ZNF804B: variants seen among roughly 807,000 people sequenced by gnomAD.
ZNF804B encodes the protein zinc finger protein 804B.
Under a neutral mutation model 101.4 loss-of-function variants are expected in ZNF804B, and 80 were observed. The observed-to-expected ratio is 0.79, with a 90% CI of 0.66 to 0.95. ZNF804B has a LOEUF of 0.95. ZNF804B is among the 40% of genes least tolerant of loss of function. ZNF804B has a pLI of 0.00. For missense variants in ZNF804B, 1,673 were observed against 1,561.9 expected (o/e 1.07, Z -1.20); for synonymous variants, 622 against 558.8 (o/e 1.11, Z -1.59).
chr7:88,773,142 C>A (rs1478080120), intron 1 of ZNF804B, among the ~76,000 whole-genome samples: 1 of 152,172 alleles, frequency 6.6e-6, no homozygotes, highest in Middle Eastern at 3.2e-3. Flanking sequence ...TAGTTTCATT[C>A]TGTTTGCAGT....
intron 2 of ZNF804B, among the ~76,000 whole-genome samples, chr7:89,256,295 TG>T (rs1789631295): frequency 1.3e-5 from 2 of 152,190 alleles, no homozygotes; most frequent in Non-Finnish European, 2.9e-5. Flanking sequence ...GGCTCAAGCC[TG>T]TAATCCCAGC....
chr7:89,279,213 C>G (rs1371130770), intron 2 of ZNF804B, among the ~76,000 whole-genome samples: 1 of 152,060 alleles, frequency 6.6e-6, no homozygotes, highest in Non-Finnish European at 1.5e-5. Context: ...TATCCTGAGA[C>G]TTTGCTGAAG....
chr7:89,125,609 A>G (rs1468809160), intron 1 of ZNF804B, among the ~76,000 whole-genome samples: 3 of 152,084 alleles, frequency 2.0e-5, no homozygotes, highest in Non-Finnish European at 4.4e-5. Flanking sequence ...AATAAAATTT[A>G]AAAATTGAGT....
At chr7:89,134,082 A>G (rs1432641563) in intron 1 of ZNF804B, among the ~76,000 whole-genome samples, 1 of 152,088 alleles carries the variant, frequency 6.6e-6, no homozygotes, top group African/African-American at 2.4e-5. Flanking sequence ...CCAATTTAAG[A>G]AAAACAAAAA....
At chr7:88,934,738 C>T (rs578123161) in intron 1 of ZNF804B, among the ~76,000 whole-genome samples, 26 of 151,876 alleles carry the variant, frequency 1.7e-4, no homozygotes, top group African/African-American at 5.1e-4. Flanking sequence ...AGTAAAAAAC[C>T]GATAGATGTT....
At chr7:88,775,145 T>C (rs1375353995) in intron 1 of ZNF804B, among the ~76,000 whole-genome samples, 1 of 152,210 alleles carries the variant, frequency 6.6e-6, no homozygotes, top group Non-Finnish European at 1.5e-5. Context: ...TTTAAAATTC[T>C]TGTGAAGATA....
At chr7:89,139,229 A>G (rs77259865) in intron 1 of ZNF804B, among the ~76,000 whole-genome samples, 13,587 of 152,236 alleles carry the variant, frequency 0.089, 846 homozygotes, top group Non-Finnish European at 0.13. Flanking sequence ...TGAATACTTT[A>G]TTGCTTAAAA....
chr7:89,327,466 A>T lies in ZNF804B; in HGVS notation c.372A>T (p.Gln124His). 1 of 1,609,954 alleles carries T rather than the reference A, an allele frequency of 6.2e-7. No individual in the cohort carries two copies. The part of the protein sequence containing the change: ...RLHQLAELRQ[Q>H]SECVSGNGPA... ...ATCAGCTGGCTGAGTTAAGGCAGCA[A>T]TCTGAATGGTAAGAATTAAAGGTGT... Residue 124 changes from glutamine (Q) to histidine (H), a missense_variant, in exon 3 of 4, where the codon CAA (glutamine) becomes CAT (histidine). Transcript: ENST00000333190.
chr7:89,235,406 G>A (rs1374076803), intron 2 of ZNF804B, among the ~76,000 whole-genome samples: 1 of 152,104 alleles, frequency 6.6e-6, no homozygotes, highest in Non-Finnish European at 1.5e-5. Context: ...CGAAGTAATG[G>A]TGGGACACAA....
At position 89,119,069 on chromosome 7, in the gene ZNF804B, A is replaced by T. The variant is rs187442534; in HGVS notation, c.109-99086A>T. Among the ~76,000 whole-genome samples the T allele has an allele frequency of 1.9e-3, 296 of 152,290 alleles. 1 individual carries two copies. Among genetic ancestry groups the T allele is most frequent in the Admixed American group, 5.0e-3 (77 of 15,296 alleles). On this transcript the variant is annotated intron_variant, in intron 1 of 3. Coordinates refer to ENST00000333190, the MANE Select transcript of ZNF804B (RefSeq NM_181646.5). ...CAGTTAATTCATCATCATTAGACTGAGTTTAATGAAAGAGTAAGGGTATAA... is the reference window on the plus strand; with the variant it reads ...CAGTTAATTCATCATCATTAGACTGTGTTTAATGAAAGAGTAAGGGTATAA...
At chr7:89,242,390 C>A (rs963327633) in intron 2 of ZNF804B, among the ~76,000 whole-genome samples, 1 of 151,672 alleles carries the variant, frequency 6.6e-6, no homozygotes, top group African/African-American at 2.4e-5. Flanking sequence ...CTTTTAATTG[C>A]AAAAATTGTA....
At chr7:88,893,491 A>T (rs1792242726) in intron 1 of ZNF804B, among the ~76,000 whole-genome samples, 1 of 152,116 alleles carries the variant, frequency 6.6e-6, no homozygotes, top group South Asian at 2.1e-4. Flanking sequence ...AAAAAATACT[A>T]TATATAAACT....
intron 1 of ZNF804B, among the ~76,000 whole-genome samples, chr7:89,062,508 A>T (rs1562873980): frequency 6.6e-6 from 1 of 152,060 alleles, no homozygotes; most frequent in Non-Finnish European, 1.5e-5. Flanking sequence ...ATTTTTATTT[A>T]TATATTGATA....
At chr7:89,069,850 C>G (rs1789508207) in intron 1 of ZNF804B, among the ~76,000 whole-genome samples, 1 of 152,112 alleles carries the variant, frequency 6.6e-6, no homozygotes, top group African/African-American at 2.4e-5. Flanking sequence ...TAAAATATTT[C>G]AGTATTATCA....
At chr7:88,816,887 A>G (rs936453658) in intron 1 of ZNF804B, among the ~76,000 whole-genome samples, 1 of 148,174 alleles carries the variant, frequency 6.7e-6, no homozygotes, top group African/African-American at 2.5e-5. Flanking sequence ...TACTGGGTAT[A>G]TACCCAAAGG....
chr7:88,971,720 T>TC (rs1156855340), intron 1 of ZNF804B, among the ~76,000 whole-genome samples: 1 of 151,622 alleles, frequency 6.6e-6, no homozygotes, highest in Non-Finnish European at 1.5e-5. Flanking sequence ...CCACCTATAT[T>TC]CTACTCACAC....
intron 1 of ZNF804B, among the ~76,000 whole-genome samples, chr7:88,845,389 G>A (rs1791359174): frequency 6.6e-6 from 1 of 151,958 alleles, no homozygotes; most frequent in South Asian, 2.1e-4. Flanking sequence ...TGGTGTAGGA[G>A]CCTGAGAATC....
intron 1 of ZNF804B, among the ~76,000 whole-genome samples, chr7:89,117,630 G>T (rs1790330873): frequency 6.7e-6 from 1 of 149,770 alleles, no homozygotes; most frequent in Non-Finnish European, 1.5e-5. Context: ...AAATTGTGAT[G>T]CCTTTTTAGC....
intron 1 of ZNF804B, among the ~76,000 whole-genome samples, chr7:88,926,193 C>A (rs1163603984): frequency 6.6e-6 from 1 of 152,088 alleles, no homozygotes; most frequent in African/African-American, 2.4e-5. Context: ...TTAATGCAGG[C>A]ACATCTTACG....
Sources: gnomAD v4.1 joint callset for allele counts (sites outside exome capture counted in the v4.1 genomes callset) on GRCh38, gnomAD v4.1.1 for gene constraint, MANE v1.5 for transcripts, NCBI Gene and HGNC (gene_info 2026-07-23, HGNC 2026-07-21) for gene names.